Variants in FAM162A observed in about 807,000 individuals in gnomAD.
FAM162A encodes family with sequence similarity 162 member A.
Under a neutral mutation model 21.8 loss-of-function variants are expected in FAM162A, and 23 were observed. The ratio of observed to expected loss-of-function variants is 1.05; its 90% CI spans 0.76 to 1.49. The LOEUF (loss-of-function observed/expected upper bound fraction) is 1.49. Among genes scored for constraint, FAM162A ranks in the 40% most tolerant of loss-of-function variants. The pLI, the probability that FAM162A is intolerant of heterozygous loss-of-function variation, is 0.00. For missense variants in FAM162A, 165 were observed against 186.4 expected, an observed-to-expected ratio of 0.89 and a Z score of 0.67; for synonymous variants, 53 against 61.3, an observed-to-expected ratio of 0.86 and a Z score of 0.64.
rs2075697422 is a variant in FAM162A at position 122,410,031 on chromosome 3, A to G, written c.*200A>G. On this transcript the variant is annotated 3_prime_UTR_variant, in exon 5 of 5. Transcript: ENST00000477892. Reference sequence around the variant, plus strand: ...TGTTTTATTGTTTTGATCCAAGTCAAGTGTAGCCTCTCAGCCTTTTGGAGA... The same window carrying G: ...TGTTTTATTGTTTTGATCCAAGTCAGGTGTAGCCTCTCAGCCTTTTGGAGA... 1 of 600,592 alleles carries G rather than the reference A, an allele frequency of 1.7e-6. No homozygotes were observed. The highest frequency in any genetic ancestry group is 3.0e-6 in the Non-Finnish European group (1 of 332,520). The allele number at this position is 600,592 out of a possible 1,614,324, so 37.2% of individuals were successfully genotyped here.
intron 4 of FAM162A, among the ~76,000 whole-genome samples, 162 bp from the exon 5 acceptor site, chr3:122,409,577 G>A (rs764782418): frequency 7.2e-5 from 11 of 152,100 alleles, no homozygotes; most frequent in Admixed American, 2.6e-4. Flanking sequence ...GGAAGCGTAC[G>A]AGGAAGTTGA....
chr3:122,408,385 T>C (rs1382326078), intron 4 of FAM162A, among the ~76,000 whole-genome samples: 5 of 152,238 alleles, frequency 3.3e-5, no homozygotes, highest in Non-Finnish European at 7.3e-5. Context: ...ACAGCTTCCA[T>C]GTGGAAAGTG....
At chr3:122,390,217 GGATAAGTTTGGT>G (rs1356370345) in intron 1 of FAM162A, among the ~76,000 whole-genome samples, 6 of 152,166 alleles carry the variant, frequency 3.9e-5, no homozygotes, top group African/African-American at 1.4e-4. Context: ...TGGAAAATAA[GGATAAGTTTGGT>G]ACGACATCCC....
intron 1 of FAM162A, among the ~76,000 whole-genome samples, chr3:122,398,191 C>T (rs4678190): frequency 0.6 from 91,572 of 152,038 alleles, 27,811 homozygotes; most frequent in East Asian, 0.69. Context: ...ATTTTCTGCA[C>T]GGTTTATGCC....
chr3:122,408,436 A>G (rs577569602), intron 4 of FAM162A, among the ~76,000 whole-genome samples: 17 of 152,346 alleles, frequency 1.1e-4, no homozygotes, highest in African/African-American at 4.1e-4. Flanking sequence ...AGGTCCTTCT[A>G]TACACGCACT....
chr3:122,405,452 T>G (rs1234264726), intron 3 of FAM162A, among the ~76,000 whole-genome samples: 3 of 152,242 alleles, frequency 2.0e-5, no homozygotes, highest in Non-Finnish European at 4.4e-5. Flanking sequence ...AGCCCTGGTT[T>G]TTCTTAGCTC....
chr3:122,396,673 G>A (rs1213639243), intron 1 of FAM162A, among the ~76,000 whole-genome samples: 4 of 152,058 alleles, frequency 2.6e-5, no homozygotes, highest in African/African-American at 9.7e-5. Flanking sequence ...TCAAAAACTT[G>A]TACACAAATG....
rs968571752 is a variant in FAM162A at position 122,411,340 on chromosome 3, C to G, written c.*1509C>G. ...TTTGTAGGTATCAAGTTATCACTTG[C>G]AAATTTATTTTCAAAAAGCATAGTT... On this transcript the variant is annotated 3_prime_UTR_variant, in exon 5 of 5. Coordinates refer to ENST00000477892, the MANE Select transcript of FAM162A (RefSeq NM_014367.4). 3.3e-5 allele frequency: 5 copies of G among 152,134 alleles called. No homozygotes were observed. Among genetic ancestry groups the G allele is most frequent in the Admixed American group, 3.3e-4 (5 of 15,280 alleles). The allele number at this position is 152,134 out of a possible 1,614,324, so 9.4% of individuals were successfully genotyped here. A position where few individuals can be genotyped will look rare whatever the true frequency, so the allele number is the denominator to read the frequency against.
intron 1 of FAM162A, among the ~76,000 whole-genome samples, chr3:122,396,188 A>AT (rs1172817300): frequency 6.6e-6 from 1 of 152,162 alleles, no homozygotes. Context: ...CCCAAATTAA[A>AT]TTTTTTTGTA....
At position 122,409,743 on chromosome 3, in the gene FAM162A, C is replaced by T. The variant is rs1417313439; in HGVS notation, c.377C>T (p.Ala126Val). ...IFMVIEGKKAAQRHETLTSLN... is the reference protein window; with the variant it reads ...IFMVIEGKKAVQRHETLTSLN... Reference sequence around the variant, plus strand: ...TTCAAATCTGTTTTGCTTTAGGCTGCCCAAAGACACGAGACTTTAACAAGC... The same window carrying T: ...TTCAAATCTGTTTTGCTTTAGGCTGTCCAAAGACACGAGACTTTAACAAGC... Residue 126 changes from alanine (A) to valine (V), a missense_variant, in exon 5 of 5, where the codon GCC becomes GTC. Ala to Val is a moderately conservative substitution (Grantham distance 64, BLOSUM62 0). Transcript: ENST00000477892. The T allele has an allele frequency of 4.3e-6, 7 of 1,613,976 alleles. No homozygotes were observed. Among genetic ancestry groups the T allele is most frequent in the Middle Eastern group, 1.7e-4 (1 of 6,060 alleles).
rs2075560787 is a variant in FAM162A at position 122,384,198 on chromosome 3, A to C, written c.-68A>C. On this transcript the variant is annotated 5_prime_UTR_variant, in exon 1 of 5. Transcript: ENST00000477892. ...GTCCTTCCCACTCCAACGCTGGGTGACATTGAGCTCACCAGCGCCACCGTC... is the reference window on the plus strand; with the variant it reads ...GTCCTTCCCACTCCAACGCTGGGTGCCATTGAGCTCACCAGCGCCACCGTC... 1.3e-6 allele frequency: 2 copies of C among 1,543,700 alleles called. No homozygotes were observed.
At chr3:122,403,111 C>G (rs1365182852) in intron 2 of FAM162A, among the ~76,000 whole-genome samples, 1 of 152,098 alleles carries the variant, frequency 6.6e-6, no homozygotes, top group Non-Finnish European at 1.5e-5. Context: ...TACTCATATG[C>G]AGGCCCATCT....
chr3:122,385,916 C>G (rs1302294627), intron 1 of FAM162A, among the ~76,000 whole-genome samples: 1 of 152,166 alleles, frequency 6.6e-6, no homozygotes, highest in Non-Finnish European at 1.5e-5. Context: ...CTCATAGCAG[C>G]CCTCTCAGGT....
chr3:122,385,313 A>T (rs75708548), intron 1 of FAM162A, among the ~76,000 whole-genome samples: 1 of 152,192 alleles, frequency 6.6e-6, no homozygotes, highest in African/African-American at 2.4e-5. Context: ...ACATGTCTCA[A>T]ACTAGAGAGT....
At chr3:122,408,453 T>C (rs1242803715) in intron 4 of FAM162A, among the ~76,000 whole-genome samples, 1 of 152,240 alleles carries the variant, frequency 6.6e-6, no homozygotes, top group Non-Finnish European at 1.5e-5. Context: ...CACTCTTAAC[T>C]GACTTTCTTA....
chr3:122,389,724 A>G (rs1352652440), intron 1 of FAM162A, among the ~76,000 whole-genome samples: 2 of 152,180 alleles, frequency 1.3e-5, no homozygotes. Flanking sequence ...TGAAAAATGT[A>G]TATGTTTTAT....
chr3:122,396,177 A>G, intron 1 of FAM162A, among the ~76,000 whole-genome samples: 1 of 152,162 alleles, frequency 6.6e-6, no homozygotes, highest in East Asian at 1.9e-4. Context: ...ACTGGACCTC[A>G]CCCAAATTAA....
chr3:122,409,751 C>T lies in FAM162A; in HGVS notation c.385C>T (p.His129Tyr), dbSNP rs1411643459. The change falls in exon 5 of 5, where the codon CAC (histidine) becomes TAC (tyrosine). Residue 129 changes from histidine to tyrosine, a missense_variant. His to Tyr is a moderately conservative substitution (Grantham distance 83). Coordinates refer to ENST00000477892, the MANE Select transcript of FAM162A (RefSeq NM_014367.4). Reference sequence around the variant, plus strand: ...TGTTTTGCTTTAGGCTGCCCAAAGACACGAGACTTTAACAAGCTTGAACTT... The same window carrying T: ...TGTTTTGCTTTAGGCTGCCCAAAGATACGAGACTTTAACAAGCTTGAACTT... ...VIEGKKAAQR[H>Y]ETLTSLNLEK... is the part of the protein sequence containing the mutation. The T allele has an allele frequency of 6.2e-7, 1 of 1,613,970 alleles. No individual in the cohort carries two copies. The highest frequency in any genetic ancestry group is 1.1e-5 in the South Asian group (1 of 91,088).
intron 1 of FAM162A, among the ~76,000 whole-genome samples, chr3:122,398,454 C>T (rs1576250251): frequency 6.6e-6 from 1 of 152,186 alleles, no homozygotes; most frequent in Non-Finnish European, 1.5e-5. Flanking sequence ...CCACCTATGA[C>T]ATTCTTGCTA....
Sources: allele counts gnomAD v4.1 joint callset (sites outside exome capture counted in the v4.1 genomes callset), GRCh38; gene constraint gnomAD v4.1.1; transcripts MANE v1.5; gene names NCBI Gene and HGNC (gene_info 2026-07-23, HGNC 2026-07-21).